Variants in ABL1 observed in about 807,000 individuals in gnomAD.
The protein encoded by ABL1 is ABL proto-oncogene 1, non-receptor tyrosine kinase, also known as tyrosine-protein kinase ABL1.
Under a neutral mutation model 94.7 loss-of-function variants are expected in ABL1, and 11 were observed. The observed-to-expected ratio is 0.12, with a 90% CI of 0.07 to 0.19. ABL1 has a LOEUF of 0.19. Ranked by LOEUF, ABL1 falls within the 10% of genes least tolerant of loss-of-function variation. The pLI is 1.00. For synonymous variants in ABL1, 656 were observed against 622.4 expected (o/e 1.05, Z -0.80); for missense variants, 1,082 against 1,489.4 (o/e 0.73, Z 4.50).
At chr9:130,812,479 G>A (rs775519915) in intron 1 of ABL1, among the ~76,000 whole-genome samples, 10 of 151,990 alleles carry the variant, frequency 6.6e-5, no homozygotes, top group East Asian at 1.9e-4. Context: ...ATACAAATAC[G>A]TTAAAAGCAA....
At chr9:130,832,050 T>C (rs1830500029), upstream of ABL1, among the ~76,000 whole-genome samples, 1 of 152,158 alleles carries the variant, frequency 6.6e-6, no homozygotes, top group Non-Finnish European at 1.5e-5. Flanking sequence ...AAATAGATTG[T>C]CCATGGATTA....
At chr9:130,832,271 C>T (rs903825300), upstream of ABL1, among the ~76,000 whole-genome samples, 12 of 150,900 alleles carry the variant, frequency 8.0e-5, no homozygotes, top group African/African-American at 1.2e-4. Context: ...TACAGATGCC[C>T]GCTACCACGC....
At chr9:130,795,575 T>C (rs1332500530) in intron 1 of ABL1, among the ~76,000 whole-genome samples, 1 of 152,200 alleles carries the variant, frequency 6.6e-6, no homozygotes, top group Non-Finnish European at 1.5e-5. Flanking sequence ...CACATTCTTT[T>C]GTTGCTTAGG....
rs1049224316 is a variant in ABL1, at chr9:130,814,602, G to A, written c.137-39462G>A. ...CACTCAAGAAGTAACCATCTGCCGGGCGCAGTGGCTTACGCCTGTAATCCC... is the reference window on the plus strand; with the variant it reads ...CACTCAAGAAGTAACCATCTGCCGGACGCAGTGGCTTACGCCTGTAATCCC... On this transcript the variant is annotated intron_variant, in intron 1 of 10. Transcript: ENST00000372348. The surrounding 1 kb of genome is among the most constrained non-coding windows in gnomAD (Gnocchi z 4.4). Among the ~76,000 whole-genome samples, 2 of 152,246 alleles carry A rather than the reference G, an allele frequency of 1.3e-5. No individual in the cohort carries two copies. Among genetic ancestry groups the A allele is most frequent in the Admixed American group, 1.3e-4 (2 of 15,274 alleles).
intron 3 of ABL1, among the ~76,000 whole-genome samples, chr9:130,855,374 G>T (rs1830957192): frequency 6.6e-6 from 1 of 150,960 alleles, no homozygotes; most frequent in African/African-American, 2.5e-5. Context: ...GTTGGGTTTT[G>T]GACACATTTT....
At chr9:130,797,463 C>T (rs1418127648) in intron 1 of ABL1, among the ~76,000 whole-genome samples, 1 of 152,106 alleles carries the variant, frequency 6.6e-6, no homozygotes, top group Non-Finnish European at 1.5e-5. Flanking sequence ...CAACTTCTGC[C>T]TCCCAGGTTC....
At chr9:130,878,873 G>C (rs1161168556) in intron 8 of ABL1, among the ~76,000 whole-genome samples, 1 of 142,540 alleles carries the variant, frequency 7.0e-6, no homozygotes, top group Non-Finnish European at 1.5e-5. Context: ...CTCATGAGGT[G>C]ATTTTTTTTT....
At chr9:130,873,228 G>A (rs534436715) in intron 6 of ABL1, among the ~76,000 whole-genome samples, 191 bp downstream of exon 6, 1 of 152,370 alleles carries the variant, frequency 6.6e-6, no homozygotes, top group East Asian at 1.9e-4. Context: ...TGCATCCAGG[G>A]CTAAATTCAG....
chr9:130,761,099 C>A (rs1412035071), intron 1 of ABL1, among the ~76,000 whole-genome samples: 1 of 152,082 alleles, frequency 6.6e-6, no homozygotes, highest in Non-Finnish European at 1.5e-5. Flanking sequence ...AGGCGCCCAC[C>A]ACCACGGCTG....
intron 1 of ABL1, among the ~76,000 whole-genome samples, chr9:130,717,913 T>A (rs1182340955): frequency 6.6e-6 from 1 of 151,788 alleles, no homozygotes; most frequent in Admixed American, 6.6e-5. Flanking sequence ...CTCAGGAGGC[T>A]GAGGCAGGAG....
At position 130,731,303 on chromosome 9, in the gene ABL1, G is replaced by C. The variant is rs374912314; in HGVS notation, c.136+16848G>C. The stretch of plus-strand genomic sequence containing the variant: ...GTTACAGACGTGAGCCACTGCGTCC[G>C]GCTGCTTTTTCACTCTCTTAATGGT... On this transcript the variant is annotated intron_variant, in intron 1 of 10. Coordinates refer to the ABL1 transcript ENST00000372348. Among the ~76,000 whole-genome samples, 20 of 152,030 alleles carry C rather than the reference G, an allele frequency of 1.3e-4. 1 individual carries two copies. The East Asian group carries it at 2.5e-3, about 19-fold the overall frequency.
intron 2 of ABL1, among the ~76,000 whole-genome samples, chr9:130,854,585 G>A (rs958299237): frequency 3.3e-5 from 5 of 152,132 alleles, no homozygotes; most frequent in African/African-American, 1.2e-4. Flanking sequence ...AAAAACTGAG[G>A]CTATACACTT....
At chr9:130,866,392 A>G (rs753518914) in intron 4 of ABL1, among the ~76,000 whole-genome samples, 1 of 152,012 alleles carries the variant, frequency 6.6e-6, no homozygotes, top group Non-Finnish European at 1.5e-5. Flanking sequence ...CTTCCTTTGC[A>G]GTTTGTGGCT....
chr9:130,885,135 A>C lies in ABL1; in HGVS notation c.2845A>C (p.Ser949Arg). Residue 949 changes from serine to arginine, a missense_variant, in exon 11 of 11, where the codon AGC becomes CGC. Around this residue, in one of 7 missense-constraint regions of ABL1, gnomAD observed 780 missense variants for 835.8 expected, o/e 0.93. Coordinates refer to ENST00000318560, the MANE Select transcript of ABL1 (RefSeq NM_005157.6). Reference protein sequence around the residue: ...DAVNSDAAKPSQPGEGLKKPV... With the variant: ...DAVNSDAAKPRQPGEGLKKPV... ...TGTGAACAGTGACGCTGCCAAGCCC[A>C]GCCAGCCGGGAGAGGGCCTCAAAAA... 6.2e-7 allele frequency: 1 copy of C among 1,612,888 alleles called. No homozygotes were observed. The highest frequency in any genetic ancestry group is 8.5e-7 in the Non-Finnish European group (1 of 1,179,830).
chr9:130,754,904 T>C (rs1001984341), intron 1 of ABL1, among the ~76,000 whole-genome samples: 1 of 152,042 alleles, frequency 6.6e-6, no homozygotes, highest in African/African-American at 2.4e-5. Context: ...CAAAGGGTGT[T>C]AGGAATGGCT....
At chr9:130,810,614 GA>G (rs1407865464) in intron 1 of ABL1, among the ~76,000 whole-genome samples, 8 of 141,564 alleles carry the variant, frequency 5.7e-5, no homozygotes, top group African/African-American at 1.0e-4. Flanking sequence ...AAATGAAGCA[GA>G]AAAAAAAAAG....
intron 1 of ABL1, among the ~76,000 whole-genome samples, chr9:130,745,156 C>G (rs1460077033): frequency 6.8e-6 from 1 of 146,360 alleles, no homozygotes; most frequent in Admixed American, 6.9e-5. Context: ...GTGATCTCGG[C>G]TTACTGCAAC....
chr9:130,842,761 A>G (rs905457281), intron 1 of ABL1, among the ~76,000 whole-genome samples: 1 of 152,196 alleles, frequency 6.6e-6, no homozygotes, highest in Admixed American at 6.5e-5. Context: ...GTCTGTTGCA[A>G]ATGGCCTGTG....
chr9:130,859,863 T>C (rs1265511321), intron 3 of ABL1, among the ~76,000 whole-genome samples: 2 of 151,848 alleles, frequency 1.3e-5, no homozygotes, highest in Non-Finnish European at 1.5e-5. Flanking sequence ...GTATTTTTAG[T>C]AGAGATGGGG....
Sources: gnomAD v4.1 joint callset for allele counts (sites outside exome capture counted in the v4.1 genomes callset) on GRCh38, gnomAD v4.1.1 for gene constraint, gnomAD v4.1.1 regional missense constraint, Gnocchi (gnomAD v3.1) non-coding constraint, MANE v1.5 for transcripts, NCBI Gene and HGNC (gene_info 2026-07-23, HGNC 2026-07-21) for gene names.